Variants in FOXN3 observed in about 807,000 individuals in gnomAD.
FOXN3 encodes the protein forkhead box N3.
A neutral mutation model predicts 38.4 loss-of-function variants in FOXN3; 7 were observed. The observed-to-expected ratio is 0.18, with a 90% CI of 0.10 to 0.34. The LOEUF (loss-of-function observed/expected upper bound fraction) is 0.34, where lower values mean the gene tolerates loss of function less well. Ranked by LOEUF, FOXN3 falls within the 10% of genes least tolerant of loss-of-function variation. The pLI, the probability that FOXN3 is intolerant of heterozygous loss-of-function variation, is 1.00. For synonymous variants in FOXN3, 230 were observed against 242.2 expected, an observed-to-expected ratio of 0.95 and a Z score of 0.47; for missense variants, 456 against 613.4, an observed-to-expected ratio of 0.74 and a Z score of 2.71.
chr14:89,229,866 A>T (rs530743481), intron 4 of FOXN3, among the ~76,000 whole-genome samples: 136 of 152,366 alleles, frequency 8.9e-4, no homozygotes, highest in Non-Finnish European at 1.5e-3. Flanking sequence ...GACCTGGGCC[A>T]GCCCTGCAGG....
intron 4 of FOXN3, among the ~76,000 whole-genome samples, chr14:89,214,306 G>C (rs1300615367): frequency 1.3e-5 from 2 of 152,200 alleles, no homozygotes; most frequent in South Asian, 2.1e-4. Context: ...GTTTGTACGT[G>C]CAAGTCCCTA....
intron 4 of FOXN3, among the ~76,000 whole-genome samples, chr14:89,260,383 G>A (rs2139890746): frequency 6.6e-6 from 1 of 152,352 alleles, no homozygotes; most frequent in East Asian, 1.9e-4. Flanking sequence ...GACCACTGCG[G>A]CAGCCTGCAC....
At chr14:89,199,949 C>T (rs933918948) in intron 4 of FOXN3, among the ~76,000 whole-genome samples, 4 of 152,054 alleles carry the variant, frequency 2.6e-5, no homozygotes, top group Admixed American at 1.3e-4. Flanking sequence ...ACAAAAACTG[C>T]ACTATTTTAT....
At chr14:89,601,859 ACTCGTAGAC>A (rs1896160426) in intron 1 of FOXN3, among the ~76,000 whole-genome samples, 1 of 151,940 alleles carries the variant, frequency 6.6e-6, no homozygotes, top group Admixed American at 6.6e-5. Flanking sequence ...TAGTACTAGC[ACTCGTAGAC>A]CTCAACAAAT....
chr14:89,464,902 T>C (rs1455929969), intron 1 of FOXN3, among the ~76,000 whole-genome samples: 1 of 152,148 alleles, frequency 6.6e-6, no homozygotes, highest in African/African-American at 2.4e-5. Context: ...TTCACCATGT[T>C]GGCCAAGCTG....
At chr14:89,329,855 C>CAAAAAAAAAAAAAA (rs57791098) in intron 3 of FOXN3, among the ~76,000 whole-genome samples, 7 of 59,866 alleles carry the variant, frequency 1.2e-4, no homozygotes, top group African/African-American at 3.6e-4. Flanking sequence ...GACTCAGTCT[C>CAAAAAAAAAAAAAA]AAAAAAAAAA....
upstream of FOXN3, among the ~76,000 whole-genome samples, chr14:89,418,772 T>G (rs1891827090): frequency 6.6e-6 from 1 of 152,150 alleles, no homozygotes; most frequent in Admixed American, 6.5e-5. Flanking sequence ...TTCCTGTAGC[T>G]CCGGCTAATG....
intron 4 of FOXN3, among the ~76,000 whole-genome samples, chr14:89,271,935 G>A (rs1886160130): frequency 6.6e-6 from 1 of 152,216 alleles, no homozygotes; most frequent in Admixed American, 6.5e-5. Context: ...CTGTGACTTC[G>A]AGCAGAACAA....
At chr14:89,380,686 G>A (rs548243614) in intron 2 of FOXN3, among the ~76,000 whole-genome samples, 69 of 152,296 alleles carry the variant, frequency 4.5e-4, no homozygotes, top group African/African-American at 1.4e-3. Flanking sequence ...CCACAACCCC[G>A]TCCTATAAAG....
At chr14:89,244,647 T>A (rs1310161495) in intron 4 of FOXN3, among the ~76,000 whole-genome samples, 1 of 152,220 alleles carries the variant, frequency 6.6e-6, no homozygotes, top group Non-Finnish European at 1.5e-5. Flanking sequence ...CCTTGTCTTA[T>A]AGCTACAAGA....
intron 3 of FOXN3, among the ~76,000 whole-genome samples, chr14:89,297,250 T>A (rs1887067190): frequency 6.6e-6 from 1 of 151,966 alleles, no homozygotes; most frequent in Non-Finnish European, 1.5e-5. Context: ...GAAAAAACAG[T>A]ATGGCGGTTC....
intron 3 of FOXN3, among the ~76,000 whole-genome samples, chr14:89,348,557 TGGAAGA>T (rs2140005282): frequency 6.6e-6 from 1 of 152,128 alleles, no homozygotes; most frequent in East Asian, 1.9e-4. Context: ...ACTTAAGGCA[TGGAAGA>T]GGCAGACTAG....
rs140504381 is a variant in FOXN3, at chr14:89,461,229, C to T, written c.-14-48739G>A. On this transcript the variant is annotated intron_variant, in intron 1 of 6. Transcript: ENST00000345097. ...GTGCATGCCTGTAGTCCTAGCTACT[C>T]GGGAGGCTGAGGCAGGAGAATCGCT... 1.1e-3 allele frequency among the ~76,000 whole-genome samples: 169 copies of T among 151,602 alleles called. 1 individual carries two copies. Among genetic ancestry groups the T allele is most frequent in the Non-Finnish European group, 1.8e-3 (120 of 67,898 alleles).
intron 4 of FOXN3, among the ~76,000 whole-genome samples, chr14:89,199,089 G>A (rs1030821259): frequency 1.3e-5 from 2 of 152,156 alleles, no homozygotes; most frequent in African/African-American, 4.8e-5. Flanking sequence ...GCAGAACACG[G>A]GGTGCCGTCA....
intron 2 of FOXN3, among the ~76,000 whole-genome samples, chr14:89,388,381 A>G (rs1890849275): frequency 6.6e-6 from 1 of 152,188 alleles, no homozygotes. Flanking sequence ...GGGATGGAAG[A>G]GTGGGGCCGC....
chr14:89,220,577 C>T (rs954959042), intron 4 of FOXN3, among the ~76,000 whole-genome samples: 9 of 152,172 alleles, frequency 5.9e-5, no homozygotes, highest in Admixed American at 2.0e-4. Flanking sequence ...ACCTACTGTA[C>T]ACCAGCCTGG....
At chr14:89,590,986 T>A (rs183912919) in intron 1 of FOXN3, among the ~76,000 whole-genome samples, 70 of 152,358 alleles carry the variant, frequency 4.6e-4, no homozygotes, top group African/African-American at 1.6e-3. Flanking sequence ...CAACTATCCA[T>A]TATGCATCAA....
intron 1 of FOXN3, among the ~76,000 whole-genome samples, chr14:89,496,438 C>A (rs1893685558): frequency 6.6e-6 from 1 of 152,008 alleles, no homozygotes; most frequent in South Asian, 2.1e-4. Flanking sequence ...CACCTTCCTT[C>A]CCAGGAGTGC....
chr14:89,374,716 A>G (rs1290684761), intron 2 of FOXN3, among the ~76,000 whole-genome samples: 1 of 152,184 alleles, frequency 6.6e-6, no homozygotes, highest in Non-Finnish European at 1.5e-5. Context: ...TCATGCCTGT[A>G]ATCCCAGCAC....
Sources: allele counts gnomAD v4.1 joint callset (sites outside exome capture counted in the v4.1 genomes callset), GRCh38; gene constraint gnomAD v4.1.1; transcripts MANE v1.5; gene names NCBI Gene and HGNC (gene_info 2026-07-23, HGNC 2026-07-21).